The following IGFL2 variants were observed in gnomAD, a reference collection of about 807,000 sequenced individuals.
The protein encoded by IGFL2 is insulin growth factor-like family member 2.
In IGFL2, 7 loss-of-function variants were observed where a neutral mutation model predicts 13.9. The ratio of observed to expected loss-of-function variants is 0.51; its 90% CI spans 0.29 to 0.95. The LOEUF (loss-of-function observed/expected upper bound fraction) is 0.95. Ranked by LOEUF, IGFL2 falls within the 40% of genes least tolerant of loss-of-function variation. IGFL2 has a pLI of 0.08. For synonymous variants in IGFL2, 55 were observed against 55.8 expected (o/e 0.99, Z 0.07); for missense variants, 138 against 147.8 (o/e 0.93, Z 0.34).
chr19:46,146,560 C>A (rs946893308), upstream of IGFL2, among the ~76,000 whole-genome samples: 10 of 152,106 alleles, frequency 6.6e-5, no homozygotes, highest in African/African-American at 2.2e-4. Context: ...TGGCATCTTA[C>A]CTAAATTACA....
At chr19:46,136,269 G>A in the IGFL2 span, among the ~76,000 whole-genome samples, 4,283 of 152,050 alleles carry the variant, frequency 0.028, 186 homozygotes, top group African/African-American at 0.094. Flanking sequence ...AGATTTCTTG[G>A]TGGTTTCATT....
chr19:46,188,418 C>T, the IGFL2 span, among the ~76,000 whole-genome samples: 6 of 152,258 alleles, frequency 3.9e-5, no homozygotes, highest in East Asian at 7.7e-4. Context: ...GTGACCGCCC[C>T]CCCCACTCTC....
At chr19:46,087,494 T>C in the IGFL2 span, among the ~76,000 whole-genome samples, 1 of 151,996 alleles carries the variant, frequency 6.6e-6, no homozygotes, top group African/African-American at 2.4e-5. Flanking sequence ...CCAGATGATG[T>C]ATGTAGGCAC....
At chr19:46,184,797 G>C in the IGFL2 span, among the ~76,000 whole-genome samples, 1 of 152,326 alleles carries the variant, frequency 6.6e-6, no homozygotes, top group African/African-American at 2.4e-5. Flanking sequence ...GGGTCAAATA[G>C]TATTTCTAGT....
At chr19:46,175,761 G>A in the IGFL2 span, among the ~76,000 whole-genome samples, 21 of 150,682 alleles carry the variant, frequency 1.4e-4, no homozygotes, top group African/African-American at 4.9e-4. Context: ...GGCTGGTCTC[G>A]AACTCCTGAC....
At chr19:46,079,513 G>A in the IGFL2 span, among the ~76,000 whole-genome samples, 1 of 152,162 alleles carries the variant, frequency 6.6e-6, no homozygotes, top group Non-Finnish European at 1.5e-5. Flanking sequence ...TGAGACCCAA[G>A]TCACACGGGC....
At chr19:46,200,104 G>T in the IGFL2 span, among the ~76,000 whole-genome samples, 1 of 151,978 alleles carries the variant, frequency 6.6e-6, no homozygotes, top group Non-Finnish European at 1.5e-5. Flanking sequence ...TGTCCACCTC[G>T]GCCTCCCAAA....
the IGFL2 span, chr19:46,207,794 G>A: frequency 6.6e-6 from 1 of 152,180 alleles, no homozygotes; most frequent in Non-Finnish European, 1.5e-5. Context: ...CTTCATGGTA[G>A]GAACAAGAGT....
chr19:46,097,968 A>G, the IGFL2 span, among the ~76,000 whole-genome samples: 1 of 152,220 alleles, frequency 6.6e-6, no homozygotes, highest in Non-Finnish European at 1.5e-5. Context: ...ACTGAGAAGA[A>G]TGCTTATTCT....
the IGFL2 span, among the ~76,000 whole-genome samples, chr19:46,175,319 T>C: frequency 2.0e-5 from 3 of 152,124 alleles, no homozygotes; most frequent in Non-Finnish European, 4.4e-5. Flanking sequence ...AGCAGCTGAC[T>C]CAGGACTACA....
At chr19:46,078,901 C>G in the IGFL2 span, among the ~76,000 whole-genome samples, 5 of 68,278 alleles carry the variant, frequency 7.3e-5, no homozygotes, top group African/African-American at 3.1e-4. Context: ...CAGTAGACAT[C>G]GCGCAGGCGT....
Position 46,152,385 on chromosome 19 carries a change from T to A in IGFL2, c.19+4088T>A, listed in dbSNP as rs564239636. Among the ~76,000 whole-genome samples, 126 of 152,080 alleles carry A rather than the reference T, an allele frequency of 8.3e-4. 2 individuals are homozygous for A. The Middle Eastern group carries it at 0.017, about 21-fold the overall frequency. On this transcript the variant is annotated intron_variant, in intron 1 of 3. Transcript: ENST00000377693. ...TCGAACTCCTGGGCTCAAGTAATCCTCCTGCCTCAGCTTCCTGAGCAGCTA... is the reference window on the plus strand; with the variant it reads ...TCGAACTCCTGGGCTCAAGTAATCCACCTGCCTCAGCTTCCTGAGCAGCTA...
chr19:46,209,624 A>C, the IGFL2 span: 2 of 152,246 alleles, frequency 1.3e-5, no homozygotes, highest in Non-Finnish European at 2.9e-5. Flanking sequence ...TCACACACAC[A>C]CACAAAAAGC....
At chr19:46,098,006 ATATC>A in the IGFL2 span, among the ~76,000 whole-genome samples, 1 of 152,208 alleles carries the variant, frequency 6.6e-6, no homozygotes, top group Non-Finnish European at 1.5e-5. Context: ...AGTTCTGTAG[ATATC>A]TATCAGGTCC....
chr19:46,202,809 T>C, the IGFL2 span: 1 of 151,518 alleles, frequency 6.6e-6, no homozygotes, highest in Non-Finnish European at 1.5e-5. Context: ...GCAAGAGAGG[T>C]TGGAGAAGAG....
chr19:46,154,312 G>A (rs1382387911), intron 1 of IGFL2, among the ~76,000 whole-genome samples: 4 of 152,132 alleles, frequency 2.6e-5, no homozygotes, highest in Non-Finnish European at 2.9e-5. Context: ...GCTGCTTAAT[G>A]TCTAACCCTT....
chr19:46,098,302 T>G, the IGFL2 span, among the ~76,000 whole-genome samples: 1 of 152,298 alleles, frequency 6.6e-6, no homozygotes. Context: ...AAGTCTGTTT[T>G]GTCAGAAACT....
At chr19:46,136,454 AG>A in the IGFL2 span, among the ~76,000 whole-genome samples, 6 of 152,174 alleles carry the variant, frequency 3.9e-5, no homozygotes, top group African/African-American at 1.4e-4. Flanking sequence ...AAAAATAACA[AG>A]AAAGGAGAAG....
At position 46,158,752 on chromosome 19, in the gene IGFL2, C is replaced by G. The variant is rs1016045738; in HGVS notation, c.20-1663C>G. Among the ~76,000 whole-genome samples the G allele has an allele frequency of 1.6e-4, 24 of 152,092 alleles. 1 individual carries two copies. The highest frequency in any genetic ancestry group is 4.6e-4 in the Admixed American group (7 of 15,268). ...TTAGGCTTTGTAAAGGAGGCCAATACCCTTCAACGTGCATGGGAGGCTAAG... is the reference window on the plus strand; with the variant it reads ...TTAGGCTTTGTAAAGGAGGCCAATAGCCTTCAACGTGCATGGGAGGCTAAG... On this transcript the variant is annotated intron_variant, in intron 1 of 3. Coordinates refer to ENST00000377693, the MANE Select transcript of IGFL2 (RefSeq NM_001135113.2).
Sources: gnomAD v4.1 joint callset for allele counts (sites outside exome capture counted in the v4.1 genomes callset) on GRCh38, gnomAD v4.1.1 for gene constraint, MANE v1.5 for transcripts, NCBI Gene and HGNC (gene_info 2026-07-23, HGNC 2026-07-21) for gene names.